Variants in MDN1 observed in about 807,000 individuals in gnomAD.
MDN1 encodes midasin.
In MDN1, 266 loss-of-function variants were observed where a neutral mutation model predicts 669.2. That is an observed-to-expected ratio of 0.40 (90% CI 0.36 to 0.44). The LOEUF (loss-of-function observed/expected upper bound fraction) is 0.44, where lower values mean the gene tolerates loss of function less well. Ranked by LOEUF, MDN1 falls within the 20% of genes least tolerant of loss-of-function variation. MDN1 has a pLI of 1.00. For synonymous variants in MDN1, 2,385 were observed against 2,457.1 expected (o/e 0.97, Z 0.87); for missense variants, 5,940 against 6,754.0 (o/e 0.88, Z 4.22).
At chr6:89,670,692 A>C (rs1351707513) in intron 83 of MDN1, among the ~76,000 whole-genome samples, 2 of 152,106 alleles carry the variant, frequency 1.3e-5, no homozygotes, top group African/African-American at 2.4e-5. Flanking sequence ...GTTTGGGGGA[A>C]AGGGTGGGTT....
chr6:89,670,878 G>C, intron 83 of MDN1, 41 bp downstream of exon 83: 1 of 1,578,094 alleles, frequency 6.3e-7, no homozygotes, highest in Non-Finnish European at 8.6e-7. Flanking sequence ...AATTTACTTG[G>C]GTCCCTGCTG....
rs765236266 is a variant in MDN1, at chr6:89,729,114, A to G, written c.5166T>C (p.Ile1722=). 7 of 1,613,516 alleles carry G rather than the reference A, an allele frequency of 4.3e-6. No individual in the cohort carries two copies. In the South Asian group the frequency reaches 4.4e-5, roughly 10 times the overall value. ...PRGPVLHRNN[I]ADYALSAGTT... ...TCCCTGCACTGAGTGCATAGTCTGC[A>G]ATATTATTCCTGTGTAGGACAGGTC... Residue 1722 remains isoleucine, a synonymous_variant, in exon 36 of 102, where the codon ATT becomes ATC. Coordinates refer to ENST00000369393, the MANE Select transcript of MDN1 (RefSeq NM_014611.3).
chr6:89,720,333 C>T (rs551170532), intron 40 of MDN1, among the ~76,000 whole-genome samples: 1 of 150,604 alleles, frequency 6.6e-6, no homozygotes, highest in South Asian at 2.1e-4. Context: ...CACTTGAACC[C>T]AGGTTGCAGT....
intron 53 of MDN1, among the ~76,000 whole-genome samples, chr6:89,702,914 T>C (rs1813248853): frequency 2.0e-5 from 3 of 150,672 alleles, no homozygotes; most frequent in Admixed American, 1.3e-4. Flanking sequence ...TAACTACATA[T>C]AATGTGAGGT....
At position 89,785,094 on chromosome 6, in the gene MDN1, G is replaced by T. The variant is rs115772093; in HGVS notation, c.1367C>A (p.Pro456Gln). The T allele has an allele frequency of 8.7e-6, 14 of 1,613,726 alleles. No individual in the cohort carries two copies. The highest frequency in any genetic ancestry group is 1.2e-5 in the Non-Finnish European group (14 of 1,179,866). Residue 456 changes from proline (P) to glutamine (Q), a missense_variant, in exon 9 of 102, where the codon CCG becomes CAG. Around this residue, in one of 5 missense-constraint regions of MDN1, gnomAD observed 1,203 missense variants for 1,268.9 expected, o/e 0.95. Coordinates refer to ENST00000369393, the MANE Select transcript of MDN1 (RefSeq NM_014611.3). ...LLSCGGNWYRPLNSHATLLDK... is the reference protein window; with the variant it reads ...LLSCGGNWYRQLNSHATLLDK... ...TAGCAAAGTAGCATGACTGTTTAGC[G>T]GTCGATACCAATTTCCTCCACAGCT...
Position 89,673,425 on chromosome 6 carries a change from A to G in MDN1, c.13285T>C (p.Leu4429=). Residue 4429 remains leucine, a synonymous_variant, in exon 80 of 102, where the codon TTG becomes CTG. Coordinates refer to ENST00000369393, the MANE Select transcript of MDN1 (RefSeq NM_014611.3). ...FEVCSSALSC[L]SQVSVHLQGL... ...TGCAAATGAACTGACACCTGGGACA[A>G]GCAACTCAGCGCAGAAGAGCAAACT... 6.2e-7 allele frequency: 1 copy of G among 1,614,206 alleles called. No homozygotes were observed. The highest frequency in any genetic ancestry group is 2.2e-5 in the East Asian group (1 of 44,884).
intron 20 of MDN1, among the ~76,000 whole-genome samples, chr6:89,754,992 G>C (rs1326060817): frequency 6.6e-6 from 1 of 152,102 alleles, no homozygotes; most frequent in Non-Finnish European, 1.5e-5. Flanking sequence ...TTTTGGAACT[G>C]AGTTTTTAAT....
chr6:89,735,993 G>A (rs1815947997), intron 33 of MDN1, among the ~76,000 whole-genome samples: 1 of 152,034 alleles, frequency 6.6e-6, no homozygotes, highest in East Asian at 1.9e-4. Flanking sequence ...GCAAGACTGT[G>A]TCTCAAAAAA....
chr6:89,690,642 T>A, intron 64 of MDN1, 31 bp downstream of exon 64: 3 of 1,612,858 alleles, frequency 1.9e-6, no homozygotes, highest in Non-Finnish European at 2.5e-6. Flanking sequence ...GGGAATTCAT[T>A]CCAAAACACA....
intron 25 of MDN1, 73 bp downstream of exon 25, chr6:89,749,470 T>C: frequency 6.3e-7 from 1 of 1,594,868 alleles, no homozygotes; most frequent in Non-Finnish European, 8.6e-7. Context: ...AGTAAAAACA[T>C]TTCATTCTTA....
At chr6:89,653,225 C>T (rs988618039) in intron 93 of MDN1, 70 bp from the exon 94 acceptor site, 39 of 1,389,888 alleles carry the variant, frequency 2.8e-5, no homozygotes, top group East Asian at 2.3e-5. Flanking sequence ...TTTGCTATTG[C>T]CTGTTAATCC....
chr6:89,727,800 C>CACCA, intron 37 of MDN1, 33 bp downstream of exon 37: 5 of 1,612,422 alleles, frequency 3.1e-6, no homozygotes, highest in Non-Finnish European at 4.2e-6. Flanking sequence ...CACACATGAT[C>CACCA]ACCGTCTTGG....
At chr6:89,806,724 T>TA (rs1220150126) in intron 1 of MDN1, among the ~76,000 whole-genome samples, 3 of 151,254 alleles carry the variant, frequency 2.0e-5, no homozygotes, top group Admixed American at 6.6e-5. Context: ...TCCACCTCAA[T>TA]AAAAAAATTT....
At chr6:89,812,056 G>A (rs1192435889) in intron 1 of MDN1, among the ~76,000 whole-genome samples, 1 of 151,430 alleles carries the variant, frequency 6.6e-6, no homozygotes, top group Non-Finnish European at 1.5e-5. Context: ...CCCTGATCTC[G>A]GTTCATGCAA....
At chr6:89,714,099 T>C (rs1284900555) in intron 46 of MDN1, among the ~76,000 whole-genome samples, 2 of 150,460 alleles carry the variant, frequency 1.3e-5, no homozygotes, top group East Asian at 2.0e-4. Context: ...TAACACAGAG[T>C]AGTTATCCAA....
Position 89,708,577 on chromosome 6 carries a change from A to G in MDN1, c.7817T>C (p.Met2606Thr), listed in dbSNP as rs1813675531. 2 of 1,614,078 alleles carry G rather than the reference A, an allele frequency of 1.2e-6. No individual in the cohort carries two copies. The highest frequency in any genetic ancestry group is 1.7e-6 in the Non-Finnish European group (2 of 1,179,930). The change falls in exon 51 of 102, where the codon ATG (methionine) becomes ACG (threonine). Residue 2606 changes from methionine (M) to threonine (T), a missense_variant. Met to Thr is a moderately conservative substitution (Grantham distance 81, BLOSUM62 -1). Coordinates refer to ENST00000369393, the MANE Select transcript of MDN1 (RefSeq NM_014611.3). The stretch of plus-strand genomic sequence containing the variant: ...GTCAAAGTCCATCAAATTTCTAATC[A>G]TGTCCAGAGCCTGCATATTCCATCG... ...DPRWNMQALD[M>T]IRNLMDFDPQ...
In MDN1 at chr6:89,793,959, G is replaced by A; in HGVS notation, c.663-5C>T. ...AACTGGGCCTCTTCTAATAACCTGA[G>A]AGAAAGGAGAGTCTCGTCAATTACC... On this transcript the variant is annotated splice_polypyrimidine_tract_variant and splice_region_variant and intron_variant, in intron 4 of 101. Transcript: ENST00000369393. 1 of 1,607,316 alleles carries A rather than the reference G, an allele frequency of 6.2e-7. No homozygotes were observed. Among genetic ancestry groups the A allele is most frequent in the Non-Finnish European group, 8.5e-7 (1 of 1,175,172 alleles).
chr6:89,792,555 A>G (rs908977673), intron 5 of MDN1, among the ~76,000 whole-genome samples: 2 of 152,192 alleles, frequency 1.3e-5, no homozygotes, highest in Admixed American at 6.6e-5. Context: ...CACAACTAGA[A>G]AAAAACACAA....
intron 100 of MDN1, among the ~76,000 whole-genome samples, chr6:89,646,106 T>C (rs1808475793): frequency 1.3e-5 from 2 of 152,198 alleles, no homozygotes; most frequent in Admixed American, 6.5e-5. Context: ...ACATGAAAAG[T>C]TGGCCCTCCA....
Sources: allele counts gnomAD v4.1 joint callset (sites outside exome capture counted in the v4.1 genomes callset), GRCh38; gene constraint gnomAD v4.1.1; regional missense constraint gnomAD v4.1.1; transcripts MANE v1.5; gene names NCBI Gene and HGNC (gene_info 2026-07-23, HGNC 2026-07-21).